The following DDX20 variants were observed in gnomAD, a reference collection of about 807,000 sequenced individuals.
The protein encoded by DDX20 is DEAD-box helicase 20.
DDX20 carries 61 observed loss-of-function variants against 76.4 expected under a neutral mutation model. The observed-to-expected ratio is 0.80, with a 90% CI of 0.65 to 0.99. The LOEUF (loss-of-function observed/expected upper bound fraction) is 0.99, where lower values mean the gene tolerates loss of function less well. DDX20 is among the 50% of genes least tolerant of loss of function. The pLI is 0.00. For synonymous variants in DDX20, 357 were observed against 357.4 expected (o/e 1.00, Z 0.01); for missense variants, 976 against 996.8 (o/e 0.98, Z 0.28).
At chr1:111,759,086 T>C (rs980075018) in intron 2 of DDX20, among the ~76,000 whole-genome samples, 1 of 152,222 alleles carries the variant, frequency 6.6e-6, no homozygotes, top group African/African-American at 2.4e-5. Flanking sequence ...ACCATTTACA[T>C]AGCATTTAAA....
Position 111,765,984 on chromosome 1 carries a change from C to T in DDX20, c.1560C>T (p.Ser520=), listed in dbSNP as rs1316676747. 7 of 1,613,820 alleles carry T rather than the reference C, an allele frequency of 4.3e-6. No homozygotes were observed. Among genetic ancestry groups the T allele is most frequent in the African/African-American group, 1.3e-5 (1 of 74,840 alleles). ...NNTKQKLPVK[S]HSECGIIEKA... ...CCAAACAAAAGCTTCCTGTGAAAAG[C>T]CACTCAGAATGTGGAATCATAGAAA... Residue 520 remains serine (S), a synonymous_variant, in exon 11 of 11, where the codon AGC becomes AGT. Coordinates refer to ENST00000369702, the MANE Select transcript of DDX20 (RefSeq NM_007204.5).
Position 111,759,481 on chromosome 1 carries a change from T to C in DDX20, c.478T>C (p.Leu160=), listed in dbSNP as rs749701852. 3 of 1,613,906 alleles carry C rather than the reference T, an allele frequency of 1.9e-6. No homozygotes were observed. The highest frequency in any genetic ancestry group is 1.1e-5 in the South Asian group (1 of 91,076). Residue 160 remains leucine (L), a synonymous_variant, in exon 3 of 11, where the codon TTA becomes CTA. Transcript: ENST00000369702. ...ITAIGIKMEG[L]ECHVFIGGTP... Reference sequence around the variant, plus strand: ...AGCCATTGGAATAAAAATGGAAGGCTTAGAGTGTCATGTCTTTATTGGAGG... The same window carrying C: ...AGCCATTGGAATAAAAATGGAAGGCCTAGAGTGTCATGTCTTTATTGGAGG...
intron 7 of DDX20, 139 bp downstream of exon 7, chr1:111,761,423 G>T: frequency 3.2e-6 from 2 of 632,294 alleles, no homozygotes; most frequent in Non-Finnish European, 5.2e-6. Context: ...GGAATTTTCA[G>T]GCTTATTTTT....
At chr1:111,762,531 C>A in intron 8 of DDX20, 146 bp from the exon 9 acceptor site, 1 of 841,462 alleles carries the variant, frequency 1.2e-6, no homozygotes, top group Non-Finnish European at 1.8e-6. Flanking sequence ...TGAAATTAGT[C>A]ATTAGGAATG....
chr1:111,766,055 A>G lies in DDX20; in HGVS notation c.1631A>G (p.Glu544Gly), dbSNP rs759781083. 6.2e-7 allele frequency: 1 copy of G among 1,614,102 alleles called. No homozygotes were observed. The highest frequency in any genetic ancestry group is 8.5e-7 in the Non-Finnish European group (1 of 1,180,048). ...KELGCDRQSEEQMKNSVQTPV... is the reference protein window; with the variant it reads ...KELGCDRQSEGQMKNSVQTPV... ...CTGGGCTGTGACAGGCAATCCGAAG[A>G]GCAAATGAAGAATTCTGTTCAGACT... Residue 544 changes from glutamate to glycine, a missense_variant, in exon 11 of 11, where the codon GAG (glutamate) becomes GGG (glycine). Glu to Gly is a moderately conservative substitution (Grantham distance 98). Coordinates refer to ENST00000369702, the MANE Select transcript of DDX20 (RefSeq NM_007204.5).
chr1:111,756,257 GTGGGGT>G, intron 1 of DDX20, 32 bp downstream of exon 1: 1 of 1,342,322 alleles, frequency 7.4e-7, no homozygotes, highest in Non-Finnish European at 9.6e-7. Flanking sequence ...AGGTCGGGGG[GTGGGGT>G]GGGAGAAGGG....
intron 10 of DDX20, among the ~76,000 whole-genome samples, chr1:111,764,873 G>C (rs1367732454): frequency 6.6e-6 from 1 of 152,196 alleles, no homozygotes; most frequent in Admixed American, 6.5e-5. Flanking sequence ...CTGTATTATA[G>C]GACTAGGCAA....
At chr1:111,756,853 T>C in intron 2 of DDX20, 113 bp downstream of exon 2, 1 of 905,708 alleles carries the variant, frequency 1.1e-6, no homozygotes, top group East Asian at 2.5e-5. Flanking sequence ...ATGATTGAGT[T>C]AAGTGGTGGT....
chr1:111,767,049 T>C lies in DDX20; in HGVS notation c.*150T>C, dbSNP rs191764250. On this transcript the variant is annotated 3_prime_UTR_variant, in exon 11 of 11. Coordinates refer to ENST00000369702, the MANE Select transcript of DDX20 (RefSeq NM_007204.5). ...CTTTCCACTGGGACACATCCATTTT[T>C]CAGATTGTTTTGATTTAGGCCAGGT... 947 of 554,138 alleles carry C rather than the reference T, an allele frequency of 1.7e-3. 2 individuals carry two copies. The highest frequency in any genetic ancestry group is 2.4e-3 in the Non-Finnish European group (780 of 326,704). 34.3% of individuals were successfully genotyped at this position (554,138 alleles called of 1,614,324 possible). A position where few individuals can be genotyped will look rare whatever the true frequency, so the allele number is the denominator to read the frequency against.
At chr1:111,764,834 C>T (rs1259426512) in intron 10 of DDX20, among the ~76,000 whole-genome samples, 11 of 152,122 alleles carry the variant, frequency 7.2e-5, no homozygotes, top group Non-Finnish European at 2.9e-5. Flanking sequence ...AGATGAGTTT[C>T]CTGGGGCAGA....
chr1:111,760,628 C>G, intron 4 of DDX20, 40 bp downstream of exon 4: 1 of 1,600,536 alleles, frequency 6.2e-7, no homozygotes, highest in Non-Finnish European at 8.5e-7. Flanking sequence ...AACAGTGTTC[C>G]GAAGTATCTA....
chr1:111,762,181 T>C (rs1445621668), intron 7 of DDX20, 74 bp from the exon 8 acceptor site: 2 of 1,232,104 alleles, frequency 1.6e-6, no homozygotes, highest in Admixed American at 4.0e-5. Context: ...GTTATGCTTT[T>C]TACTTTTTGT....
rs1211023172 is a variant in DDX20 at position 111,760,504 on chromosome 1, A to T, written c.596A>T (p.Tyr199Phe). Residue 199 changes from tyrosine to phenylalanine, a missense_variant, in exon 4 of 11, where the codon TAC becomes TTC. Around this residue, in one of 3 missense-constraint regions of DDX20, gnomAD observed 343 missense variants for 286.4 expected, o/e 1.20. Coordinates refer to ENST00000369702, the MANE Select transcript of DDX20 (RefSeq NM_007204.5). ...GRIKQLIELDYLNPGSIRLFI... is the reference protein window; with the variant it reads ...GRIKQLIELDFLNPGSIRLFI... ...ATTAAGCAACTCATAGAACTTGACT[A>T]CTTGAACCCAGGCAGTATACGCCTC... 6.2e-7 allele frequency: 1 copy of T among 1,607,838 alleles called. No individual in the cohort carries two copies. The highest frequency in any genetic ancestry group is 1.1e-5 in the South Asian group (1 of 88,954).
intron 3 of DDX20, 83 bp from the exon 4 acceptor site, chr1:111,760,391 G>A: frequency 6.3e-6 from 6 of 951,200 alleles, no homozygotes; most frequent in Non-Finnish European, 9.7e-6. Flanking sequence ...CAACCTGTAA[G>A]TAATAAGTAG....
chr1:111,763,018 T>C lies in DDX20; in HGVS notation c.1312+11T>C. The C allele has an allele frequency of 6.3e-7, 1 of 1,576,190 alleles. No individual in the cohort carries two copies. Among genetic ancestry groups the C allele is most frequent in the African/African-American group, 1.3e-5 (1 of 74,238 alleles). On this transcript the variant is annotated intron_variant, in intron 10 of 10. Transcript: ENST00000369702. ...TTCTCCCTTTACCAGGTACATTTCA[T>C]CTGTTTCATTATTTCAAAATAATTA... is the stretch of plus-strand genomic sequence containing the variant.
chr1:111,766,925 G>C lies in DDX20; in HGVS notation c.*26G>C. ...TTATAGGATATACCTGAGACCATCA[G>C]GAACTGTCAACAAATGATACCTTTG... is the stretch of plus-strand genomic sequence containing the variant. On this transcript the variant is annotated 3_prime_UTR_variant, in exon 11 of 11. Transcript: ENST00000369702. 6.4e-7 allele frequency: 1 copy of C among 1,550,640 alleles called. No individual in the cohort carries two copies. The highest frequency in any genetic ancestry group is 8.8e-7 in the Non-Finnish European group (1 of 1,137,542).
Position 111,766,509 on chromosome 1 carries a change from T to C in DDX20, c.2085T>C (p.Ser695=), listed in dbSNP as rs180875088. Residue 695 remains serine (S), a synonymous_variant, in exon 11 of 11, where the codon TCT becomes TCC. Coordinates refer to ENST00000369702, the MANE Select transcript of DDX20 (RefSeq NM_007204.5). ...CTACGCCTGTGGATGATCGTATTTC[T>C]TTGGAACAACCACCAAATGGAAGTG... ...SESTPVDDRI[S]LEQPPNGSDT... The C allele has an allele frequency of 4.3e-6, 7 of 1,614,158 alleles. No individual in the cohort carries two copies. The Admixed American group carries it at 1.2e-4, about 27-fold the overall frequency.
intron 7 of DDX20, 44 bp from the exon 8 acceptor site, chr1:111,762,211 T>G: frequency 6.6e-7 from 1 of 1,506,774 alleles, no homozygotes; most frequent in African/African-American, 1.4e-5. Context: ...AAATATGTAT[T>G]AGCTTAGTTG....
At chr1:111,762,883 C>T in intron 9 of DDX20, 23 bp from the exon 10 acceptor site, 1 of 1,602,882 alleles carries the variant, frequency 6.2e-7, no homozygotes, top group Non-Finnish European at 8.5e-7. Context: ...TGATTTACTA[C>T]CTAACATTCT....
Sources: allele counts gnomAD v4.1 joint callset (sites outside exome capture counted in the v4.1 genomes callset), GRCh38; gene constraint gnomAD v4.1.1; regional missense constraint gnomAD v4.1.1; transcripts MANE v1.5; gene names NCBI Gene and HGNC (gene_info 2026-07-23, HGNC 2026-07-21).